The following INPP4A variants were observed in gnomAD, a reference collection of about 807,000 sequenced individuals.
The protein encoded by INPP4A is inositol polyphosphate-4-phosphatase type I A, also known as inositol polyphosphate-4-phosphatase, type I, 107kD.
A neutral mutation model predicts 119.8 loss-of-function variants in INPP4A; 33 were observed. That is an observed-to-expected ratio of 0.28 (90% confidence interval 0.21 to 0.37). The LOEUF is 0.37. Among genes scored for constraint, INPP4A ranks in the 10% least tolerant of loss-of-function variants. INPP4A has a pLI of 1.00. For missense variants in INPP4A, 956 were observed against 1,289.9 expected (o/e 0.74, Z 3.97); for synonymous variants, 496 against 500.7 (o/e 0.99, Z 0.12).
chr2:98,515,578 C>T (rs1685961739), intron 1 of INPP4A, among the ~76,000 whole-genome samples: 2 of 152,172 alleles, frequency 1.3e-5, no homozygotes, highest in South Asian at 4.1e-4. Flanking sequence ...TCTGAGCATC[C>T]GTGACCTCAT....
chr2:98,517,019 A>C (rs780109901), intron 1 of INPP4A, among the ~76,000 whole-genome samples: 3 of 152,046 alleles, frequency 2.0e-5, no homozygotes, highest in African/African-American at 4.8e-5. Context: ...CAGCTCAGTG[A>C]ATTTCACACA....
At chr2:98,486,796 G>A (rs1215283270) in intron 1 of INPP4A, among the ~76,000 whole-genome samples, 1 of 152,272 alleles carries the variant, frequency 6.6e-6, no homozygotes, top group Admixed American at 6.5e-5. Flanking sequence ...GCTGATGTGG[G>A]AGGAATCTGT....
In INPP4A at chr2:98,536,206, A is replaced by G. The variant is rs1416786964; in HGVS notation, c.465A>G (p.Leu155=). 2.5e-6 allele frequency: 4 copies of G among 1,591,056 alleles called. No homozygotes were observed. Among genetic ancestry groups the G allele is most frequent in the Non-Finnish European group, 3.4e-6 (4 of 1,159,752 alleles). The change falls in exon 7 of 25, where the codon CTA becomes CTG. Residue 155 remains leucine, a splice_region_variant and synonymous_variant. Transcript: ENST00000409851. ...QDRHHRLHLT[L]RSAESDRVGN... is the part of the protein sequence containing the mutation. ...GGCATCATAGGTTGCATTTAACACT[A>G]AGGTTGGTATTCAGTTTTATTCCCT...
At chr2:98,563,933 GTT>G (rs60347668) in intron 18 of INPP4A, among the ~76,000 whole-genome samples, 31 of 125,454 alleles carry the variant, frequency 2.5e-4, no homozygotes, top group Middle Eastern at 4.1e-3. Context: ...TCTTTGCTGC[GTT>G]TTTTTTTTTT....
chr2:98,589,724 G>A lies in INPP4A; in HGVS notation c.*2116G>A, dbSNP rs1329299483. 5.5e-6 allele frequency: 1 copy of A among 181,754 alleles called. No homozygotes were observed. The highest frequency in any genetic ancestry group is 1.2e-5 in the Non-Finnish European group (1 of 85,266). 11.3% of individuals were successfully genotyped at this position (181,754 alleles called of 1,614,324 possible). A position where few individuals can be genotyped will look rare whatever the true frequency, so the allele number is the denominator to read the frequency against. On this transcript the variant is annotated 3_prime_UTR_variant, in exon 25 of 25. Transcript: ENST00000409851. ...GCAGGGTGAGGGTGTGTGGCACAGA[G>A]GCAAGCAGCTCCTCTCTTCTGTAGG...
In INPP4A at chr2:98,449,393, A is replaced by G. The variant is rs369857569; in HGVS notation, c.-166+4308A>G. The stretch of plus-strand genomic sequence containing the variant: ...GGACTCATGAATTCTTGCTTTATTC[A>G]ATAGATTATAGTCCATTACTCCCAT... On this transcript the variant is annotated intron_variant, in intron 1 of 24. Transcript: ENST00000409851. Among the ~76,000 whole-genome samples the G allele has an allele frequency of 3.3e-5, 5 of 152,312 alleles. No homozygotes were observed. The East Asian group carries it at 7.7e-4, about 24-fold the overall frequency.
In INPP4A at chr2:98,546,725, G is replaced by T. The variant is rs761831633; in HGVS notation, c.1163+31G>T. The T allele has an allele frequency of 1.5e-6, 2 of 1,299,538 alleles. No homozygotes were observed. Among genetic ancestry groups the T allele is most frequent in the Non-Finnish European group, 2.2e-6 (2 of 896,624 alleles). 80.5% of individuals were successfully genotyped at this position (1,299,538 alleles called of 1,614,324 possible). A position where few individuals can be genotyped will look rare whatever the true frequency, so the allele number is the denominator to read the frequency against. ...TAGCCAGAGAGGGTTTGTGGTCCTT[G>T]TACAGCTTTCTGATGCTTCTTTTCT... On this transcript the variant is annotated intron_variant, in intron 13 of 24. Transcript: ENST00000409851. This position sits in a 1 kb window ranked among gnomAD's most constrained non-coding sequence, Gnocchi z 4.2.
chr2:98,444,895 C>G lies in INPP4A; in HGVS notation c.-356C>G, dbSNP rs1233788283. 6.6e-6 allele frequency: 1 copy of G among 151,514 alleles called. No homozygotes were observed. The highest frequency in any genetic ancestry group is 1.5e-5 in the Non-Finnish European group (1 of 68,014). The allele number at this position is 151,514 out of a possible 1,614,324, so 9.4% of individuals were successfully genotyped here. A position where few individuals can be genotyped will look rare whatever the true frequency, so the allele number is the denominator to read the frequency against. The stretch of plus-strand genomic sequence containing the variant: ...GGCGGCTGGCTAGGGCTGCGGCGCG[C>G]GTGGAGGGTTCGCTGCTGGTTTGCC... On this transcript the variant is annotated 5_prime_UTR_variant, in exon 1 of 25. Transcript: ENST00000409851.
intron 1 of INPP4A, among the ~76,000 whole-genome samples, chr2:98,460,136 T>TGTGTGTGTGTGTGTGTGTGTGTG (rs1558872495): frequency 1.3e-5 from 2 of 152,128 alleles, no homozygotes; most frequent in African/African-American, 4.8e-5. Context: ...TGTGTGTATG[T>TGTGTGTGTGTGTGTGTGTGTGTG]TTAAAATTAA....
At chr2:98,526,921 G>C (rs1688281498) in intron 4 of INPP4A, among the ~76,000 whole-genome samples, 1 of 152,170 alleles carries the variant, frequency 6.6e-6, no homozygotes. Flanking sequence ...CTCAGAGCTA[G>C]AACTCACTCA....
At chr2:98,545,152 C>T (rs1180005663) in intron 11 of INPP4A, among the ~76,000 whole-genome samples, 1 of 152,164 alleles carries the variant, frequency 6.6e-6, no homozygotes, top group Non-Finnish European at 1.5e-5. Flanking sequence ...AGAGCAGTCT[C>T]CTATGGCAAA....
intron 20 of INPP4A, 123 bp downstream of exon 20, chr2:98,565,889 C>T (rs889946053): frequency 1.4e-5 from 21 of 1,510,172 alleles, no homozygotes; most frequent in Middle Eastern, 1.8e-4. Context: ...GATTACAGCC[C>T]CCTAGGTTAG....
intron 4 of INPP4A, among the ~76,000 whole-genome samples, chr2:98,525,429 T>G (rs1284578123): frequency 6.6e-6 from 1 of 152,236 alleles, no homozygotes; most frequent in Non-Finnish European, 1.5e-5. Context: ...AAGTCCCTTT[T>G]GCCATGTAAT....
chr2:98,580,734 G>A (rs571697017), intron 24 of INPP4A, among the ~76,000 whole-genome samples: 19 of 152,366 alleles, frequency 1.2e-4, no homozygotes, highest in African/African-American at 4.6e-4. Flanking sequence ...ATCTCCAAGT[G>A]GAGCCTTCAC....
chr2:98,469,449 G>A (rs968262361), intron 1 of INPP4A, among the ~76,000 whole-genome samples: 4 of 151,170 alleles, frequency 2.6e-5, no homozygotes, highest in African/African-American at 7.3e-5. Flanking sequence ...GCAGTGAGCC[G>A]AGATCGCGCC....
rs979776426 is a variant in INPP4A at position 98,554,349 on chromosome 2, T to A, written c.1426T>A (p.Tyr476Asn). Residue 476 changes from tyrosine to asparagine, a missense_variant, in exon 15 of 25, where the codon TAC (tyrosine) becomes AAC (asparagine). By Grantham distance (143) the Tyr-to-Asn change is moderately radical. This residue lies in a region of INPP4A where 652 missense variants were observed against 797.9 expected (regional missense o/e 0.82). Coordinates refer to ENST00000409851, the MANE Select transcript of INPP4A (RefSeq NM_001134225.2). This position sits in a 1 kb window ranked among gnomAD's most constrained non-coding sequence, Gnocchi z 4.7. ...IHGLNAARPDYIASKASPTST... is the reference protein window; with the variant it reads ...IHGLNAARPDNIASKASPTST... ...TGGGCTGAACGCTGCACGGCCTGAC[T>A]ACATTGCCTCCAAGGCCTCTCCCAC... The A allele has an allele frequency of 1.2e-6, 2 of 1,613,532 alleles. No individual in the cohort carries two copies. Among genetic ancestry groups the A allele is most frequent in the Non-Finnish European group, 1.7e-6 (2 of 1,179,762 alleles).
At chr2:98,447,529 T>C (rs1694397289) in intron 1 of INPP4A, among the ~76,000 whole-genome samples, 1 of 152,176 alleles carries the variant, frequency 6.6e-6, no homozygotes, top group Non-Finnish European at 1.5e-5. Context: ...TCTATTCATA[T>C]GCACATGTTA....
At chr2:98,533,911 A>G (rs571839831) in intron 5 of INPP4A, among the ~76,000 whole-genome samples, 20 of 152,298 alleles carry the variant, frequency 1.3e-4, no homozygotes, top group Non-Finnish European at 2.2e-4. Context: ...TTGTTTTTAC[A>G]GCCTTTTGAG....
Position 98,552,805 on chromosome 2 carries a change from T to A in INPP4A, c.1183T>A (p.Ser395Thr). Residue 395 changes from serine to threonine, a missense_variant, in exon 14 of 25, where the codon TCC (serine) becomes ACC (threonine). Around this residue, in one of 2 missense-constraint regions of INPP4A, gnomAD observed 652 missense variants for 797.9 expected, o/e 0.82. Transcript: ENST00000409851. ...TKKHTSSGCQ[S>T]IIYIPQDVVR... ...TTCCAGTACATCATCTGGCTGCCAGTCCATAATCTACATACCCCAGGATGT... is the reference window on the plus strand; with the variant it reads ...TTCCAGTACATCATCTGGCTGCCAGACCATAATCTACATACCCCAGGATGT... 6.2e-7 allele frequency: 1 copy of A among 1,613,380 alleles called. No individual in the cohort carries two copies. Among genetic ancestry groups the A allele is most frequent in the Non-Finnish European group, 8.5e-7 (1 of 1,179,402 alleles).
Sources: gnomAD v4.1 joint callset for allele counts (sites outside exome capture counted in the v4.1 genomes callset) on GRCh38, gnomAD v4.1.1 for gene constraint, gnomAD v4.1.1 regional missense constraint, Gnocchi (gnomAD v3.1) non-coding constraint, MANE v1.5 for transcripts, NCBI Gene and HGNC (gene_info 2026-07-23, HGNC 2026-07-21) for gene names.